Variants in VPS13B observed in about 807,000 individuals in gnomAD.
The protein encoded by VPS13B is vacuolar protein sorting 13 homolog B, also known as intermembrane lipid transfer protein VPS13B.
In VPS13B, 285 loss-of-function variants were observed where a neutral mutation model predicts 426.4. The observed-to-expected ratio is 0.67, with a 90% CI of 0.61 to 0.74. VPS13B has a LOEUF of 0.74. Ranked by LOEUF, VPS13B falls within the 30% of genes least tolerant of loss-of-function variation. VPS13B has a pLI of 0.00. For missense variants in VPS13B, 4,537 were observed against 4,782.6 expected, an observed-to-expected ratio of 0.95 and a Z score of 1.51; for synonymous variants, 1,676 against 1,676.4, an observed-to-expected ratio of 1.00 and a Z score of 0.01.
intron 17 of VPS13B, among the ~76,000 whole-genome samples, chr8:99,245,863 T>C (rs1417680452): frequency 6.6e-6 from 1 of 152,210 alleles, no homozygotes; most frequent in Non-Finnish European, 1.5e-5. Context: ...TTTTTGAGTA[T>C]AGACAAAGCG....
intron 23 of VPS13B, among the ~76,000 whole-genome samples, chr8:99,444,454 A>C (rs1817819017): frequency 6.6e-6 from 1 of 152,214 alleles, no homozygotes; most frequent in Admixed American, 6.5e-5. Flanking sequence ...AGATTGATTT[A>C]ATACATCATT....
At chr8:99,217,951 A>G (rs1027351491) in intron 17 of VPS13B, among the ~76,000 whole-genome samples, 2 of 152,238 alleles carry the variant, frequency 1.3e-5, no homozygotes, top group African/African-American at 4.8e-5. Context: ...CTGACTCATG[A>G]ACATATCAAT....
chr8:99,353,038 G>C (rs1274331822), intron 19 of VPS13B, among the ~76,000 whole-genome samples: 2 of 151,866 alleles, frequency 1.3e-5, no homozygotes, highest in Non-Finnish European at 2.9e-5. Flanking sequence ...CTGGAGTGCA[G>C]TGTCACAATC....
At chr8:99,072,049 C>G (rs772845014) in intron 3 of VPS13B, among the ~76,000 whole-genome samples, 1 of 152,198 alleles carries the variant, frequency 6.6e-6, no homozygotes, top group Non-Finnish European at 1.5e-5. Context: ...CCCTAGCAGC[C>G]TTCTTGGTGC....
At chr8:99,355,945 G>A (rs1588286418) in intron 19 of VPS13B, among the ~76,000 whole-genome samples, 1 of 152,126 alleles carries the variant, frequency 6.6e-6, no homozygotes, top group South Asian at 2.1e-4. Context: ...TAGAGTTGGT[G>A]CCTAAGAAAT....
chr8:99,478,189 T>C (rs1438455420), intron 24 of VPS13B, among the ~76,000 whole-genome samples: 1 of 151,814 alleles, frequency 6.6e-6, no homozygotes, highest in Non-Finnish European at 1.5e-5. Flanking sequence ...TGTTTTCTTA[T>C]AGGCATTCAC....
chr8:99,805,006 TAATAA>T (rs1458398370), intron 43 of VPS13B, among the ~76,000 whole-genome samples: 2 of 151,546 alleles, frequency 1.3e-5, no homozygotes, highest in African/African-American at 2.4e-5. Flanking sequence ...CTCTAAAACA[TAATAA>T]AATAAATGGT....
At chr8:99,783,593 T>C (rs576013818) in intron 42 of VPS13B, among the ~76,000 whole-genome samples, 1 of 152,290 alleles carries the variant, frequency 6.6e-6, no homozygotes, top group South Asian at 2.1e-4. Flanking sequence ...GAACGTATTA[T>C]TAATTTGCTG....
chr8:99,266,688 T>G (rs1464050731), intron 17 of VPS13B, among the ~76,000 whole-genome samples: 1 of 151,862 alleles, frequency 6.6e-6, no homozygotes, highest in Non-Finnish European at 1.5e-5. Context: ...ATCATGGAGG[T>G]GGTTACCTTC....
chr8:99,705,257 T>C (rs1464293525), intron 36 of VPS13B, among the ~76,000 whole-genome samples: 1 of 152,142 alleles, frequency 6.6e-6, no homozygotes, highest in East Asian at 1.9e-4. Context: ...CAGGAATTTC[T>C]AAAAATTGGC....
intron 35 of VPS13B, among the ~76,000 whole-genome samples, chr8:99,662,994 T>C (rs1366788590): frequency 6.6e-6 from 1 of 152,108 alleles, no homozygotes; most frequent in African/African-American, 2.4e-5. Flanking sequence ...GAGGCAAAGG[T>C]TGCAGTGAGA....
In VPS13B at chr8:99,628,885, C is replaced by T. The variant is rs562212793; in HGVS notation, c.5221-12926C>T. Among the ~76,000 whole-genome samples, 3 of 152,112 alleles carry T rather than the reference C, an allele frequency of 2.0e-5. No homozygotes were observed. The East Asian group carries it at 5.8e-4, about 29-fold the overall frequency. On this transcript the variant is annotated intron_variant, in intron 33 of 61. Transcript: ENST00000357162. ...CTTAGACTCCTAAGCTCAAGCTATC[C>T]TCCCAAGTAGCTGGGATTACAAGCA...
At chr8:99,595,107 C>A (rs527281734) in intron 33 of VPS13B, among the ~76,000 whole-genome samples, 5 of 151,924 alleles carry the variant, frequency 3.3e-5, no homozygotes, top group Non-Finnish European at 7.4e-5. Context: ...ATATGACCCT[C>A]TAAAATTGTT....
intron 35 of VPS13B, among the ~76,000 whole-genome samples, chr8:99,663,910 C>T (rs888673756): frequency 6.6e-6 from 1 of 151,932 alleles, no homozygotes; most frequent in Admixed American, 6.6e-5. Context: ...TTCAAGGCAA[C>T]CAAATCAATT....
chr8:99,648,625 G>A (rs892066482), intron 34 of VPS13B, among the ~76,000 whole-genome samples: 3 of 152,136 alleles, frequency 2.0e-5, no homozygotes, highest in African/African-American at 4.8e-5. Context: ...TCACTTAAAG[G>A]AAGATGGGAG....
Position 99,310,552 on chromosome 8 carries a change from G to T in VPS13B, c.2824+35298G>T, listed in dbSNP as rs1207030625. On this transcript the variant is annotated intron_variant, in intron 19 of 61. Coordinates refer to ENST00000357162, the MANE Select transcript of VPS13B (RefSeq NM_152564.5). ...GGGATGAAGCCCACTTGATCATGGT[G>T]TATAAGCTTTTTGATGTGTTGCTGG... Among the ~76,000 whole-genome samples the T allele has an allele frequency of 2.0e-5, 3 of 152,168 alleles. No individual in the cohort carries two copies. The South Asian group carries it at 6.2e-4, about 32-fold the overall frequency.
At chr8:99,589,591 A>G (rs112965321) in intron 33 of VPS13B, among the ~76,000 whole-genome samples, 25 of 151,734 alleles carry the variant, frequency 1.6e-4, no homozygotes, top group Non-Finnish European at 3.5e-4. Flanking sequence ...ACATTTTCTT[A>G]ATCCAGTCTA....
intron 30 of VPS13B, among the ~76,000 whole-genome samples, chr8:99,529,868 T>G (rs1822839313): frequency 6.6e-6 from 1 of 152,224 alleles, no homozygotes; most frequent in African/African-American, 2.4e-5. Context: ...TAATGCAAAA[T>G]GTATCTTCCT....
intron 30 of VPS13B, among the ~76,000 whole-genome samples, chr8:99,548,781 T>C (rs1182731385): frequency 6.6e-6 from 1 of 151,926 alleles, no homozygotes; most frequent in East Asian, 1.9e-4. Context: ...AGTGCATTAC[T>C]ACTGTATTTT....
Sources: gnomAD v4.1 joint callset for allele counts (sites outside exome capture counted in the v4.1 genomes callset) on GRCh38, gnomAD v4.1.1 for gene constraint, MANE v1.5 for transcripts, NCBI Gene and HGNC (gene_info 2026-07-23, HGNC 2026-07-21) for gene names.